Variants in FGFRL1 observed in about 807,000 individuals in gnomAD.
The protein encoded by FGFRL1 is fibroblast growth factor receptor like 1, also known as fibroblast growth factor receptor-like 1.
Under a neutral mutation model 36.8 loss-of-function variants are expected in FGFRL1, and 24 were observed. The observed-to-expected ratio is 0.65, with a 90% CI of 0.47 to 0.92. The LOEUF (loss-of-function observed/expected upper bound fraction) is 0.92, where lower values mean the gene tolerates loss of function less well. Ranked by LOEUF, FGFRL1 falls within the 40% of genes least tolerant of loss-of-function variation. The probability of loss-of-function intolerance (pLI) is 0.00; values close to 1 mark genes in which losing one functional copy is unlikely to be tolerated. For missense variants in FGFRL1, 785 were observed against 753.4 expected (o/e 1.04, Z -0.49); for synonymous variants, 422 against 344.1 (o/e 1.23, Z -2.50).
In FGFRL1 at chr4:1,024,184, C is replaced by T. The variant is rs571149220; in HGVS notation, c.718+83C>T. 1,169 of 303,996 alleles carry T rather than the reference C, an allele frequency of 3.8e-3. 20 individuals are homozygous for T. The East Asian group carries it at 0.074, about 19-fold the overall frequency. The allele number at this position is 303,996 out of a possible 1,614,324, so 18.8% of individuals were successfully genotyped here. ...GGGCGGGGGTGCTGGTGGGCGGGGG[C>T]GCTGGTGGGCGGGGGCACTGGCAGG... is the stretch of plus-strand genomic sequence containing the variant. On this transcript the variant is annotated intron_variant, in intron 5 of 6. Coordinates refer to ENST00000510644, the MANE Select transcript of FGFRL1 (RefSeq NM_001004356.3).
chr4:1,023,697 G>A lies in FGFRL1; in HGVS notation c.409G>A (p.Glu137Lys). Residue 137 changes from glutamate to lysine, a missense_variant, in exon 4 of 7, where the codon GAG (glutamate) becomes AAG (lysine). Transcript: ENST00000510644. This position sits in a 1 kb window ranked among gnomAD's most constrained non-coding sequence, Gnocchi z 6.0. ...GCCCGACAGCTCCTCTGGGGGTCAA[G>A]AGGACCCCGCCAGCCAGCAGTGGGG... ...LGPDSSSGGQEDPASQQWARP... is the reference protein window; with the variant it reads ...LGPDSSSGGQKDPASQQWARP... 6.3e-7 allele frequency: 1 copy of A among 1,595,672 alleles called. No homozygotes were observed. Among genetic ancestry groups the A allele is most frequent in the South Asian group, 1.1e-5 (1 of 88,186 alleles).
At chr4:1,021,373 C>G (rs562354395) in intron 2 of FGFRL1, among the ~76,000 whole-genome samples, 1 of 152,070 alleles carries the variant, frequency 6.6e-6, no homozygotes, top group South Asian at 2.1e-4. Flanking sequence ...GGAGGACATA[C>G]TGGCTGCCCC....
Position 1,022,296 on chromosome 4 carries a change from C to T in FGFRL1, c.173C>T (p.Pro58Leu), listed in dbSNP as rs752311377. 2.4e-5 allele frequency: 38 copies of T among 1,591,316 alleles called. No homozygotes were observed. The highest frequency in any genetic ancestry group is 1.3e-4 in the African/African-American group (10 of 74,404). ...RLQCPVEGDP[P>L]PLTMWTKDGR... ...CAGTGCCCAGTGGAGGGGGACCCGC[C>T]GCCGCTGACCATGTGGACCAAGGAT... Residue 58 changes from proline to leucine, a missense_variant, in exon 3 of 7, where the codon CCG becomes CTG. Pro to Leu is a moderately conservative substitution (Grantham distance 98). Coordinates refer to ENST00000510644, the MANE Select transcript of FGFRL1 (RefSeq NM_001004356.3).
At chr4:1,012,187 C>T (rs1001355112) in intron 1 of FGFRL1, 25 of 288,620 alleles carry the variant, frequency 8.7e-5, no homozygotes, top group Admixed American at 2.2e-4. Context: ...CTGCGGGGCG[C>T]TGAGTGTTGT....
In FGFRL1 at chr4:1,011,651, G is replaced by C. The variant is rs1221258231; in HGVS notation, c.-320G>C. Among the ~76,000 whole-genome samples the C allele has an allele frequency of 7.0e-6, 1 of 143,230 alleles. No homozygotes were observed. The highest frequency in any genetic ancestry group is 2.5e-5 in the African/African-American group (1 of 40,098). The allele number at this position is 143,230 out of a possible 152,430, so 94.0% of individuals were successfully genotyped here. On this transcript the variant is annotated 5_prime_UTR_variant, in exon 1 of 7. Transcript: ENST00000510644. The stretch of plus-strand genomic sequence containing the variant: ...AGAGTTGACAAAGCCCCGCAGGGAA[G>C]GACGCCTCGCGGCGCGGCGCCCCGG...
intron 2 of FGFRL1, among the ~76,000 whole-genome samples, chr4:1,019,697 C>T (rs1716072739): frequency 6.6e-6 from 1 of 152,186 alleles, no homozygotes; most frequent in African/African-American, 2.4e-5. Context: ...CAGCCGCCAT[C>T]TCATTTCCTC....
chr4:1,018,207 C>A (rs927025406), intron 2 of FGFRL1, among the ~76,000 whole-genome samples: 2 of 152,180 alleles, frequency 1.3e-5, no homozygotes, highest in Non-Finnish European at 2.9e-5. Context: ...CCACCTCCAC[C>A]CTCCCTGGGC....
intron 2 of FGFRL1, among the ~76,000 whole-genome samples, chr4:1,020,315 C>T (rs563414696): frequency 6.6e-6 from 1 of 152,262 alleles, no homozygotes; most frequent in East Asian, 1.9e-4. Context: ...GCGAGAGATG[C>T]CCTGGGAACT....
chr4:1,024,708 C>T, intron 6 of FGFRL1, 44 bp downstream of exon 6: 2 of 1,540,148 alleles, frequency 1.3e-6, no homozygotes, highest in Non-Finnish European at 1.8e-6. Flanking sequence ...GGTGCCCGGA[C>T]CCGCCCCCTG....
rs1333190877 is a variant in FGFRL1, at chr4:1,024,896, C to T, written c.1073-9C>T. The T allele has an allele frequency of 3.2e-6, 5 of 1,581,852 alleles. No individual in the cohort carries two copies. The highest frequency in any genetic ancestry group is 4.3e-6 in the Non-Finnish European group (5 of 1,168,180). On this transcript the variant is annotated splice_polypyrimidine_tract_variant and intron_variant, in intron 6 of 6. Transcript: ENST00000510644. ...CCCCTCCCTACCTCCTTTCCTCTCG[C>T]TCTTGCAGACCCAAAACCGCCAGGG...
In FGFRL1 at chr4:1,024,946, G is replaced by A. The variant is rs756272863; in HGVS notation, c.1114G>A (p.Ala372Thr). Reference sequence around the variant, plus strand: ...GCCACCTGTGGCCTCCTCGTCCTCGGCCACTAGCCTGCCGTGGCCCGTGGT... The same window carrying A: ...GCCACCTGTGGCCTCCTCGTCCTCGACCACTAGCCTGCCGTGGCCCGTGGT... ...PGPPVASSSS[A>T]TSLPWPVVIG... Residue 372 changes from alanine to threonine, a missense_variant, in exon 7 of 7, where the codon GCC becomes ACC. Ala to Thr is a moderately conservative substitution (Grantham distance 58). Transcript: ENST00000510644. 3.1e-5 allele frequency: 50 copies of A among 1,604,982 alleles called. 1 individual carries two copies. In the Middle Eastern group the frequency reaches 1.2e-3, roughly 38 times the overall value.
intron 1 of FGFRL1, 64 bp from the exon 2 acceptor site, chr4:1,012,406 G>T: frequency 6.4e-7 from 1 of 1,555,026 alleles, no homozygotes; most frequent in South Asian, 1.2e-5. Context: ...CCCGCGGCCC[G>T]GGACCGGGGA....
At chr4:1,022,693 G>A (rs1425668127) in intron 3 of FGFRL1, among the ~76,000 whole-genome samples, 1 of 152,212 alleles carries the variant, frequency 6.6e-6, no homozygotes, top group Non-Finnish European at 1.5e-5. Flanking sequence ...CAGCCTCGGA[G>A]CCTTCCTCCC....
intron 2 of FGFRL1, among the ~76,000 whole-genome samples, chr4:1,014,675 G>A (rs1485941833): frequency 6.6e-6 from 1 of 152,232 alleles, no homozygotes; most frequent in African/African-American, 2.4e-5. Context: ...TGCTGACCTC[G>A]GCCCCCAGCC....
At position 1,022,142 on chromosome 4, in the gene FGFRL1, G is replaced by C. The variant is rs376743606; in HGVS notation, c.80-61G>C. 5 of 1,307,630 alleles carry C rather than the reference G, an allele frequency of 3.8e-6. No homozygotes were observed. In the Admixed American group the frequency reaches 8.5e-5, roughly 22 times the overall value. The allele number at this position is 1,307,630 out of a possible 1,614,324, so 81.0% of individuals were successfully genotyped here. On this transcript the variant is annotated intron_variant, in intron 2 of 6. Coordinates refer to ENST00000510644, the MANE Select transcript of FGFRL1 (RefSeq NM_001004356.3). ...CTGGGCCGTGGGTCCCCTTTTGACC[G>C]CCCCCCCGGCTCCGGACCCCAAGCC...
intron 2 of FGFRL1, among the ~76,000 whole-genome samples, chr4:1,019,365 G>A (rs571012514): frequency 1.3e-5 from 2 of 152,356 alleles, no homozygotes; most frequent in African/African-American, 2.4e-5. Context: ...CACGTGTGAG[G>A]CCTGTGCCCA....
intron 2 of FGFRL1, among the ~76,000 whole-genome samples, chr4:1,014,638 G>A (rs568298877): frequency 1.1e-4 from 16 of 152,276 alleles, no homozygotes; most frequent in Admixed American, 2.6e-4. Context: ...GTTGTGATTC[G>A]GGGAAGCAAT....
rs1716331033 is a variant in FGFRL1 at position 1,023,774 on chromosome 4, C to T, written c.434-43C>T. 1 of 1,555,430 alleles carries T rather than the reference C, an allele frequency of 6.4e-7. No individual in the cohort carries two copies. The highest frequency in any genetic ancestry group is 8.7e-7 in the Non-Finnish European group (1 of 1,150,146). ...GCGTCCGTCTGTCCCGGCCCCTTGGCTGCATCCCCGTCCTCTGACCTCCAC... is the reference window on the plus strand; with the variant it reads ...GCGTCCGTCTGTCCCGGCCCCTTGGTTGCATCCCCGTCCTCTGACCTCCAC... On this transcript the variant is annotated intron_variant, in intron 4 of 6. Transcript: ENST00000510644. This position sits in a 1 kb window ranked among gnomAD's most constrained non-coding sequence, Gnocchi z 6.0.
At chr4:1,021,857 G>C (rs902122202) in intron 2 of FGFRL1, among the ~76,000 whole-genome samples, 2 of 152,226 alleles carry the variant, frequency 1.3e-5, no homozygotes, top group Admixed American at 1.3e-4. Context: ...CCTTTTGGTT[G>C]GTGGTTTTCG....
Sources: gnomAD v4.1 joint callset for allele counts (sites outside exome capture counted in the v4.1 genomes callset) on GRCh38, gnomAD v4.1.1 for gene constraint, Gnocchi (gnomAD v3.1) non-coding constraint, MANE v1.5 for transcripts, NCBI Gene and HGNC (gene_info 2026-07-23, HGNC 2026-07-21) for gene names.